The following CELA1 variants were observed in gnomAD, a reference collection of about 807,000 sequenced individuals.
CELA1 encodes chymotrypsin-like elastase family member 1.
A neutral mutation model predicts 34.8 loss-of-function variants in CELA1; 28 were observed. The ratio of observed to expected loss-of-function variants is 0.80; its 90% confidence interval spans 0.60 to 1.10. The LOEUF (loss-of-function observed/expected upper bound fraction) is 1.10, where lower values mean the gene tolerates loss of function less well. Ranked by LOEUF, CELA1 falls within the 50% of genes least tolerant of loss-of-function variation. CELA1 has a pLI of 0.00. For synonymous variants in CELA1, 140 were observed against 129.8 expected (o/e 1.08, Z -0.53); for missense variants, 288 against 327.5 (o/e 0.88, Z 0.93).
chr12:51,339,707 C>T (rs1283444307), intron 6 of CELA1, among the ~76,000 whole-genome samples, 153 bp downstream of exon 6: 1 of 152,158 alleles, frequency 6.6e-6, no homozygotes, highest in Non-Finnish European at 1.5e-5. Flanking sequence ...TGTAGAATTA[C>T]CAGCACAGGA....
At chr12:51,343,966 A>G (rs1008281127) in intron 2 of CELA1, 113 bp from the exon 3 acceptor site, 39 of 669,038 alleles carry the variant, frequency 5.8e-5, no homozygotes, top group Non-Finnish European at 1.0e-4. Flanking sequence ...AGGCTGAGGC[A>G]GGAGGATCAG....
At chr12:51,335,189 C>CCAT (rs1456746625) in intron 6 of CELA1, among the ~76,000 whole-genome samples, 1 of 152,140 alleles carries the variant, frequency 6.6e-6, no homozygotes, top group East Asian at 1.9e-4. Flanking sequence ...CTTGTGCCAT[C>CCAT]CATTATTATT....
intron 2 of CELA1, among the ~76,000 whole-genome samples, chr12:51,344,196 T>C (rs897554832): frequency 6.6e-6 from 1 of 151,916 alleles, no homozygotes; most frequent in African/African-American, 2.4e-5. Context: ...CCACCTGGAG[T>C]GTGGCATTGA....
chr12:51,341,518 C>A, intron 4 of CELA1, 138 bp from the exon 5 acceptor site: 7 of 850,684 alleles, frequency 8.2e-6, no homozygotes, highest in South Asian at 6.6e-5. Flanking sequence ...GGCTCACTTG[C>A]TAAGCCTCAA....
At chr12:51,329,951 C>G in intron 6 of CELA1, 118 bp from the exon 7 acceptor site, 1 of 823,440 alleles carries the variant, frequency 1.2e-6, no homozygotes, top group Non-Finnish European at 1.8e-6. Context: ...CAATGCAAAT[C>G]TCCACCTCCT....
intron 6 of CELA1, among the ~76,000 whole-genome samples, chr12:51,330,147 A>G (rs1286333912): frequency 6.6e-6 from 1 of 152,166 alleles, no homozygotes; most frequent in Admixed American, 6.5e-5. Flanking sequence ...CCTCTCCACA[A>G]TGCTAGCATA....
chr12:51,342,626 A>G lies in CELA1; in HGVS notation c.275T>C (p.Val92Ala), dbSNP rs749165998. Residue 92 changes from valine to alanine, a missense_variant, in exon 4 of 8, where the codon GTG becomes GCG. Transcript: ENST00000293636. ...QNDGTEQYVS[V>A]QKIVVHPYWN... ...GTATGGATGCACCACGATCTTCTGC[A>G]CACTCACGTACTGCTCAGTGCCATC... The G allele has an allele frequency of 3.1e-5, 50 of 1,614,054 alleles. No homozygotes were observed. The Admixed American group carries it at 8.0e-4, about 26-fold the overall frequency.
intron 3 of CELA1, 144 bp downstream of exon 3, chr12:51,343,609 C>A (rs1946550260): frequency 3.4e-6 from 2 of 584,552 alleles, no homozygotes; most frequent in Admixed American, 5.8e-5. Flanking sequence ...CACCATACTA[C>A]CTCCCTGCAG....
At chr12:51,337,923 A>AATATATATATATAT (rs151299974) in intron 6 of CELA1, among the ~76,000 whole-genome samples, 1 of 148,610 alleles carries the variant, frequency 6.7e-6, no homozygotes, top group African/African-American at 2.5e-5. Context: ...AAAAAAAACA[A>AATATATATATATAT]ATATATATAT....
intron 6 of CELA1, among the ~76,000 whole-genome samples, chr12:51,330,736 T>A (rs1001591281): frequency 6.6e-6 from 1 of 152,108 alleles, no homozygotes; most frequent in Non-Finnish European, 1.5e-5. Context: ...TTTGGGAGGC[T>A]GAGGCGGGCG....
intron 6 of CELA1, among the ~76,000 whole-genome samples, chr12:51,334,528 G>A (rs536822887): frequency 5.9e-4 from 89 of 152,064 alleles, no homozygotes; most frequent in African/African-American, 1.9e-3. Context: ...CCACCTCCCC[G>A]GTTCACACCA....
At chr12:51,339,821 G>A (rs1409321595) in intron 6 of CELA1, 39 bp downstream of exon 6, 1 of 1,580,950 alleles carries the variant, frequency 6.3e-7, no homozygotes, top group South Asian at 1.2e-5. Flanking sequence ...TAGGCAGAGA[G>A]TGGCGGGACC....
At chr12:51,334,090 G>A (rs1269658367) in intron 6 of CELA1, among the ~76,000 whole-genome samples, 4 of 152,154 alleles carry the variant, frequency 2.6e-5, no homozygotes, top group African/African-American at 9.7e-5. Context: ...AAACTCCAGT[G>A]GGGAGGGACC....
At chr12:51,341,188 G>A in intron 5 of CELA1, 56 bp downstream of exon 5, 4 of 1,598,850 alleles carry the variant, frequency 2.5e-6, no homozygotes, top group Admixed American at 1.7e-5. Context: ...TGTCTTAGAA[G>A]CTCAGCTACC....
rs540240164 is a variant in CELA1, at chr12:51,332,652, G to A, written c.610-2819C>T. Among the ~76,000 whole-genome samples, 226 of 152,074 alleles carry A rather than the reference G, an allele frequency of 1.5e-3. 1 individual carries two copies. The highest frequency in any genetic ancestry group is 2.6e-3 in the Non-Finnish European group (177 of 67,992). On this transcript the variant is annotated intron_variant, in intron 6 of 7. Transcript: ENST00000293636. ...AGCCGAGGTGGGTGGATCACGTGAC[G>A]CCAGGAGTTTGAGACCAGCCTGGCC...
Position 51,346,677 on chromosome 12 carries a change from C to G in CELA1, c.-39G>C. ...TAGACCACTGCCTTCTTGCTTGGAC[C>G]AAGCCCTCTTTATACTCCTCTTAGC... On this transcript the variant is annotated 5_prime_UTR_variant, in exon 1 of 8. Transcript: ENST00000293636. The G allele has an allele frequency of 6.3e-7, 1 of 1,594,848 alleles. No homozygotes were observed. The highest frequency in any genetic ancestry group is 1.1e-5 in the South Asian group (1 of 90,536).
chr12:51,337,172 C>A (rs1303193449), intron 6 of CELA1, among the ~76,000 whole-genome samples: 2 of 152,070 alleles, frequency 1.3e-5, no homozygotes. Flanking sequence ...TGTTAAGGGC[C>A]AAACAGTACA....
chr12:51,338,287 C>CACAT (rs1366687008), intron 6 of CELA1, among the ~76,000 whole-genome samples: 8 of 124,294 alleles, frequency 6.4e-5, no homozygotes, highest in African/African-American at 2.1e-4. Context: ...CACACACACA[C>CACAT]ATACACATAC....
intron 4 of CELA1, among the ~76,000 whole-genome samples, chr12:51,341,959 G>A (rs1356160805): frequency 6.6e-6 from 1 of 152,156 alleles, no homozygotes; most frequent in Non-Finnish European, 1.5e-5. Context: ...AATCTGCAGA[G>A]AATGGTAATC....
Sources: gnomAD v4.1 joint callset for allele counts (sites outside exome capture counted in the v4.1 genomes callset) on GRCh38, gnomAD v4.1.1 for gene constraint, MANE v1.5 for transcripts, NCBI Gene and HGNC (gene_info 2026-07-23, HGNC 2026-07-21) for gene names.